RFX7: variants seen among roughly 807,000 people sequenced by gnomAD.
RFX7 encodes DNA-binding protein RFX7.
Under a neutral mutation model 111.8 loss-of-function variants are expected in RFX7, and 26 were observed. The observed-to-expected ratio is 0.23, with a 90% CI of 0.17 to 0.32. RFX7 has a LOEUF of 0.32. Among genes scored for constraint, RFX7 ranks in the 10% least tolerant of loss-of-function variants. RFX7 has a pLI of 1.00. For missense variants in RFX7, 1,573 were observed against 1,772.9 expected (o/e 0.89, Z 2.02); for synonymous variants, 624 against 624.4 (o/e 1.00, Z 0.01).
chr15:56,132,414 G>A (rs1320990526), intron 5 of RFX7, among the ~76,000 whole-genome samples: 2 of 151,942 alleles, frequency 1.3e-5, no homozygotes, highest in East Asian at 1.9e-4. Flanking sequence ...GAAGCCTTTA[G>A]TAAGGTAACA....
chr15:56,163,484 C>T (rs1209201498), intron 3 of RFX7, among the ~76,000 whole-genome samples: 1 of 152,158 alleles, frequency 6.6e-6, no homozygotes, highest in Non-Finnish European at 1.5e-5. Flanking sequence ...ATATATTCAT[C>T]TAGCATCAAG....
chr15:56,200,596 C>T (rs548451694), intron 2 of RFX7, among the ~76,000 whole-genome samples: 13 of 152,074 alleles, frequency 8.5e-5, no homozygotes, highest in Admixed American at 6.5e-4. Flanking sequence ...GTCAGGAGAT[C>T]GAGACCATCC....
chr15:56,142,749 C>T, intron 5 of RFX7, 29 bp downstream of exon 5: 1 of 1,600,242 alleles, frequency 6.2e-7, no homozygotes, highest in African/African-American at 1.3e-5. Flanking sequence ...TTTAATATAT[C>T]AGCATGCCAT....
Position 56,087,835 on chromosome 15 carries a change from G to GT in RFX7, c.*5509dup. The GT allele has an allele frequency of 7.2e-6, 2 of 278,900 alleles. No homozygotes were observed. The highest frequency in any genetic ancestry group is 1.9e-4 in the East Asian group (2 of 10,632). The allele number at this position is 278,900 out of a possible 1,614,324, so 17.3% of individuals were successfully genotyped here. Reference sequence around the variant, plus strand: ...ACATATTTTAGGCACTTTATCATCTGTTAAAAAAAAAGTCCCATTTTTATT... The same window carrying GT: ...ACATATTTTAGGCACTTTATCATCTGTTTAAAAAAAAAGTCCCATTTTTATT... On this transcript the variant is annotated 3_prime_UTR_variant, in exon 10 of 10. Coordinates refer to ENST00000559447, the MANE Select transcript of RFX7 (RefSeq NM_022841.7).
intron 5 of RFX7, among the ~76,000 whole-genome samples, chr15:56,112,434 G>A (rs1233404276): frequency 6.9e-6 from 1 of 145,924 alleles, no homozygotes; most frequent in Non-Finnish European, 1.5e-5. Flanking sequence ...AATCGTACTG[G>A]GAAAACTCGC....
Position 56,098,360 on chromosome 15 carries a change from G to C in RFX7, c.828C>G (p.Thr276=), listed in dbSNP as rs753509760. The C allele has an allele frequency of 6.3e-7, 1 of 1,598,304 alleles. No individual in the cohort carries two copies. Among genetic ancestry groups the C allele is most frequent in the Non-Finnish European group, 8.5e-7 (1 of 1,171,974 alleles). ...CTGTAGGTATAAAAGCAGAAGGCTG[G>C]GTAATTCCTTTCATTCCTGAAAATA... The part of the protein sequence containing the change: ...AAAPAGMKGI[T]QPSAFIPTAE... Residue 276 remains threonine (T), a synonymous_variant, in exon 9 of 10, where the codon ACC becomes ACG. Transcript: ENST00000559447.
chr15:56,136,035 G>A lies in RFX7; in HGVS notation c.401+6743C>T, dbSNP rs2042297292. 1.1e-4 allele frequency among the ~76,000 whole-genome samples: 17 copies of A among 152,138 alleles called. No homozygotes were observed. The South Asian group carries it at 3.1e-3, about 28-fold the overall frequency. On this transcript the variant is annotated intron_variant, in intron 5 of 9. Transcript: ENST00000559447. ...TTACTGTAGCCTTGTAGTATAGTTTGAAGTCAGGTAGTGTGATGCCTCCAG... is the reference window on the plus strand; with the variant it reads ...TTACTGTAGCCTTGTAGTATAGTTTAAAGTCAGGTAGTGTGATGCCTCCAG...
chr15:56,240,756 G>A (rs1295512678), intron 2 of RFX7, among the ~76,000 whole-genome samples: 3 of 152,060 alleles, frequency 2.0e-5, no homozygotes, highest in Admixed American at 1.3e-4. Context: ...GTACAAAACT[G>A]ATAGTCTCTC....
Position 56,096,313 on chromosome 15 carries a change from A to G in RFX7, c.1415T>C (p.Val472Ala). ...GAGGGATATTGTTGTCATTTTCACC[A>G]CATTTAGAGAACTCATGTGTGAAGC... ...VPASHMSSLN[V>A]VKMTTISLTP... is the part of the protein sequence containing the mutation. The change falls in exon 10 of 10, where the codon GTG becomes GCG. Residue 472 changes from valine to alanine, a missense_variant. Around this residue, in one of 7 missense-constraint regions of RFX7, gnomAD observed 15 missense variants for 32.4 expected, o/e 0.46. Transcript: ENST00000559447. The G allele has an allele frequency of 6.2e-7, 1 of 1,613,952 alleles. No homozygotes were observed. Among genetic ancestry groups the G allele is most frequent in the East Asian group, 2.2e-5 (1 of 44,880 alleles).
chr15:56,114,023 A>C (rs1332178346), intron 5 of RFX7, among the ~76,000 whole-genome samples: 2 of 152,312 alleles, frequency 1.3e-5, no homozygotes, highest in African/African-American at 4.8e-5. Flanking sequence ...AAGTTGTTGT[A>C]ATCCTCCCTT....
At chr15:56,192,662 AG>A (rs1221639420) in intron 2 of RFX7, 3 of 210,620 alleles carry the variant, frequency 1.4e-5, no homozygotes, top group Non-Finnish European at 3.1e-5. Flanking sequence ...TGTCCTTGCA[AG>A]GAACAGGATG....
At chr15:56,215,332 G>A (rs1003793145) in intron 2 of RFX7, among the ~76,000 whole-genome samples, 1 of 152,166 alleles carries the variant, frequency 6.6e-6, no homozygotes, top group East Asian at 1.9e-4. Flanking sequence ...TAAATCTATT[G>A]TAGTCTGTAG....
intron 2 of RFX7, among the ~76,000 whole-genome samples, chr15:56,190,510 A>G (rs2584688): frequency 0.96 from 145,988 of 152,298 alleles, 70,304 homozygotes; most frequent in East Asian, 1. Context: ...CTTCAGCATT[A>G]CAGTTCAACT....
At chr15:56,111,661 CAAAAAAAAAA>C (rs371681721) in intron 5 of RFX7, among the ~76,000 whole-genome samples, 18 of 95,578 alleles carry the variant, frequency 1.9e-4, no homozygotes, top group African/African-American at 7.5e-4. Flanking sequence ...ATAAATAAAC[CAAAAAAAAAA>C]AAAAAAAAAC....
intron 5 of RFX7, among the ~76,000 whole-genome samples, chr15:56,116,062 TCCTGAGTAA>T (rs1209907690): frequency 2.0e-5 from 3 of 152,184 alleles, no homozygotes; most frequent in Non-Finnish European, 4.4e-5. Flanking sequence ...CCCAGTAAAT[TCCTGAGTAA>T]CCATCTCTCA....
Position 56,096,531 on chromosome 15 carries a change from A to G in RFX7, c.1197T>C (p.Thr399=). 6.2e-7 allele frequency: 1 copy of G among 1,602,100 alleles called. No individual in the cohort carries two copies. The highest frequency in any genetic ancestry group is 1.1e-5 in the South Asian group (1 of 88,954). Reference sequence around the variant, plus strand: ...CCTGTTTCACAGACTGCATGTGCTGAGTGACCACCTGTACATTGAGGGGAA... The same window carrying G: ...CCTGTTTCACAGACTGCATGTGCTGGGTGACCACCTGTACATTGAGGGGAA... The part of the protein sequence containing the change: ...KVLPLNVQVV[T]QHMQSVKQAP... The change falls in exon 10 of 10, where the codon ACT becomes ACC. Residue 399 remains threonine, a synonymous_variant. Coordinates refer to ENST00000559447, the MANE Select transcript of RFX7 (RefSeq NM_022841.7).
Position 56,108,286 on chromosome 15 carries a change from A to G in RFX7, c.402-4616T>C, listed in dbSNP as rs144045909. Among the ~76,000 whole-genome samples, 39 of 152,360 alleles carry G rather than the reference A, an allele frequency of 2.6e-4. 1 individual carries two copies. In the East Asian group the frequency reaches 6.9e-3, roughly 27 times the overall value. ...AGGCCAGTATCCCTGACGAACATCA[A>G]TGCAAAAATCCTCAATAAAATACTG... On this transcript the variant is annotated intron_variant, in intron 5 of 9. Coordinates refer to ENST00000559447, the MANE Select transcript of RFX7 (RefSeq NM_022841.7).
intron 2 of RFX7, among the ~76,000 whole-genome samples, chr15:56,222,388 A>G (rs907149091): frequency 2.0e-5 from 3 of 152,158 alleles, no homozygotes; most frequent in Admixed American, 6.5e-5. Context: ...CTGACCTCCA[A>G]TGATATGTGG....
At chr15:56,171,942 T>C (rs1291456873) in intron 3 of RFX7, among the ~76,000 whole-genome samples, 1 of 152,150 alleles carries the variant, frequency 6.6e-6, no homozygotes, top group Non-Finnish European at 1.5e-5. Context: ...ATGAGATTAT[T>C]TTGGACAAAT....
Sources: gnomAD v4.1 joint callset for allele counts (sites outside exome capture counted in the v4.1 genomes callset) on GRCh38, gnomAD v4.1.1 for gene constraint, gnomAD v4.1.1 regional missense constraint, MANE v1.5 for transcripts, NCBI Gene and HGNC (gene_info 2026-07-23, HGNC 2026-07-21) for gene names.